The following CACNA1C variants were observed in gnomAD, a reference collection of about 807,000 sequenced individuals.
CACNA1C encodes the protein voltage-dependent L-type calcium channel subunit alpha-1C.
Under a neutral mutation model 229.0 loss-of-function variants are expected in CACNA1C, and 30 were observed. The ratio of observed to expected loss-of-function variants is 0.13; its 90% CI spans 0.10 to 0.18. The LOEUF (loss-of-function observed/expected upper bound fraction) is 0.18, where lower values mean the gene tolerates loss of function less well. CACNA1C is among the 10% of genes least tolerant of loss of function. CACNA1C has a pLI of 1.00. For missense variants in CACNA1C, 1,658 were observed against 2,845.0 expected, an observed-to-expected ratio of 0.58 and a Z score of 9.49; for synonymous variants, 1,114 against 1,132.5, an observed-to-expected ratio of 0.98 and a Z score of 0.33.
chr12:2,016,243 A>T (rs113575724), intron 1 of CACNA1C, among the ~76,000 whole-genome samples: 66 of 152,280 alleles, frequency 4.3e-4, no homozygotes, highest in African/African-American at 1.5e-3. Context: ...GGTGCCAAGT[A>T]CTTATCAGGT....
intron 3 of CACNA1C, among the ~76,000 whole-genome samples, chr12:2,446,555 G>A (rs1039667571): frequency 6.6e-6 from 1 of 150,420 alleles, no homozygotes; most frequent in African/African-American, 2.4e-5. Flanking sequence ...TGGATGAGTG[G>A]GTGGTGCATA....
rs531205223 is a variant in CACNA1C, at chr12:2,383,881, A to G, written c.478-65095A>G. Among the ~76,000 whole-genome samples the G allele has an allele frequency of 5.3e-5, 8 of 152,348 alleles. No individual in the cohort carries two copies. In the South Asian group the frequency reaches 1.0e-3, roughly 20 times the overall value. On this transcript the variant is annotated intron_variant, in intron 3 of 46. Coordinates refer to ENST00000399655, the MANE Select transcript of CACNA1C (RefSeq NM_000719.7). ...TCTCACTTCCTCCTTTAATCATTTC[A>G]GAAGAGCTGTTAATGAGCAGGAAAT...
At chr12:2,249,470 C>G (rs553841875) in intron 3 of CACNA1C, among the ~76,000 whole-genome samples, 5 of 152,246 alleles carry the variant, frequency 3.3e-5, no homozygotes, top group African/African-American at 1.2e-4. Context: ...ACTACCTGAC[C>G]CTTTACAGAA....
At chr12:2,027,483 A>G (rs2047534501) in intron 1 of CACNA1C, among the ~76,000 whole-genome samples, 1 of 152,182 alleles carries the variant, frequency 6.6e-6, no homozygotes, top group Admixed American at 6.5e-5. Flanking sequence ...GCTGCTATTA[A>G]TATATTCCTG....
At chr12:2,635,479 C>G (rs2092417239) in intron 30 of CACNA1C, among the ~76,000 whole-genome samples, 1 of 152,150 alleles carries the variant, frequency 6.6e-6, no homozygotes, top group Admixed American at 6.5e-5. Flanking sequence ...AGAGCAGATG[C>G]TTTAGAGTTT....
intron 3 of CACNA1C, among the ~76,000 whole-genome samples, chr12:2,295,207 C>T (rs1341862929): frequency 6.6e-6 from 1 of 152,118 alleles, no homozygotes; most frequent in African/African-American, 2.4e-5. Context: ...TAGCAGCTTC[C>T]CTGAATCCAC....
intron 11 of CACNA1C, 145 bp downstream of exon 11, chr12:2,557,122 C>CAT: frequency 1.5e-6 from 1 of 652,776 alleles, no homozygotes; most frequent in South Asian, 1.8e-5. Context: ...TCTGTATGGC[C>CAT]ATCAAGAAAA....
chr12:2,289,736 G>A (rs990086720), intron 3 of CACNA1C, among the ~76,000 whole-genome samples: 2 of 152,088 alleles, frequency 1.3e-5, no homozygotes, highest in South Asian at 2.1e-4. Context: ...CCAAGCTGCC[G>A]ATGGGTACAC....
chr12:2,526,023 C>T (rs2099817997), intron 9 of CACNA1C, among the ~76,000 whole-genome samples: 1 of 152,078 alleles, frequency 6.6e-6, no homozygotes, highest in African/African-American at 2.4e-5. Flanking sequence ...AAATAGAAGG[C>T]AATTGGCAGC....
intron 11 of CACNA1C, among the ~76,000 whole-genome samples, chr12:2,565,304 A>G (rs974155785): frequency 6.6e-6 from 1 of 151,574 alleles, no homozygotes; most frequent in Admixed American, 6.6e-5. Flanking sequence ...CGTCTCTACT[A>G]AAAATACAAA....
intron 7 of CACNA1C, among the ~76,000 whole-genome samples, chr12:2,500,069 C>T (rs2099755695): frequency 6.6e-6 from 1 of 152,166 alleles, no homozygotes; most frequent in Admixed American, 6.5e-5. Context: ...CATTGCTCAC[C>T]CAGGCAGTGG....
Position 2,067,449 on chromosome 12 carries a change from C to CGTGTGTGT in CACNA1C, c.49+13864_49+13871dup, listed in dbSNP as rs1555107490. ...GCTTAGGACTGTGGACTAGGATGCACGTGTGTGTGTGTGTGTGTGTGTGTG... is the reference window on the plus strand; with the variant it reads ...GCTTAGGACTGTGGACTAGGATGCACGTGTGTGTGTGTGTGTGTGTGTGTGTGTGTGTG... On this transcript the variant is annotated intron_variant, in intron 1 of 46. Transcript: ENST00000399655. The surrounding 1 kb of genome is among the most constrained non-coding windows in gnomAD (Gnocchi z 5.3). 0.023 allele frequency among the ~76,000 whole-genome samples: 3,238 copies of CGTGTGTGT among 141,406 alleles called. 107 individuals carry two copies. The highest frequency in any genetic ancestry group is 0.099 in the East Asian group (449 of 4,552). 92.8% of individuals were successfully genotyped at this position (141,406 alleles called of 152,430 possible).
At chr12:2,038,282 A>G (rs550881860) in intron 1 of CACNA1C, among the ~76,000 whole-genome samples, 106 of 152,316 alleles carry the variant, frequency 7.0e-4, no homozygotes, top group African/African-American at 2.3e-3. Flanking sequence ...ATTTCCTTTC[A>G]TAGAATTCGA....
intron 3 of CACNA1C, among the ~76,000 whole-genome samples, chr12:2,246,860 T>C (rs1397104671): frequency 6.6e-6 from 1 of 152,170 alleles, no homozygotes; most frequent in Non-Finnish European, 1.5e-5. Flanking sequence ...ATCTCCTGTC[T>C]TCAAGGAGGC....
At chr12:2,644,756 G>A (rs1398067251) in intron 30 of CACNA1C, among the ~76,000 whole-genome samples, 1 of 152,166 alleles carries the variant, frequency 6.6e-6, no homozygotes, top group Non-Finnish European at 1.5e-5. Flanking sequence ...CATCCACTGA[G>A]GTGTTACTTC....
chr12:2,465,347 A>G (rs1185394431), intron 5 of CACNA1C, among the ~76,000 whole-genome samples: 2 of 151,848 alleles, frequency 1.3e-5, no homozygotes, highest in Admixed American at 6.6e-5. Flanking sequence ...GATGAAATGG[A>G]TTCAAGGGGA....
chr12:2,145,924 C>T (rs905245959), intron 3 of CACNA1C, among the ~76,000 whole-genome samples: 1 of 151,328 alleles, frequency 6.6e-6, no homozygotes, highest in Non-Finnish European at 1.5e-5. Flanking sequence ...CTTAACCCTC[C>T]TGAGCCTCAG....
In CACNA1C at chr12:2,486,994, G is replaced by A. The variant is rs1023238337; in HGVS notation, c.916+732G>A. Among the ~76,000 whole-genome samples the A allele has an allele frequency of 2.6e-5, 4 of 152,146 alleles. No homozygotes were observed. Among genetic ancestry groups the A allele is most frequent in the African/African-American group, 7.2e-5 (3 of 41,432 alleles). On this transcript the variant is annotated intron_variant, in intron 6 of 46. Coordinates refer to ENST00000399655, the MANE Select transcript of CACNA1C (RefSeq NM_000719.7). This position sits in a 1 kb window ranked among gnomAD's most constrained non-coding sequence, Gnocchi z 4.9. ...GCTGGCTCATTAGGCGCTTCCCTGC[G>A]TGGCACTGGAGTTTTGGCTTGCAGG...
At chr12:2,572,919 T>TTCCTCCTCCTCCTC (rs2056847623) in intron 13 of CACNA1C, among the ~76,000 whole-genome samples, 1 of 102,354 alleles carries the variant, frequency 9.8e-6, no homozygotes, top group Non-Finnish European at 2.0e-5. Flanking sequence ...CCTCCTCCTC[T>TTCCTCCTCCTCCTC]TCCTCCTCCT....
Sources: allele counts gnomAD v4.1 joint callset (sites outside exome capture counted in the v4.1 genomes callset), GRCh38; gene constraint gnomAD v4.1.1; non-coding constraint Gnocchi (gnomAD v3.1); transcripts MANE v1.5; gene names NCBI Gene and HGNC (gene_info 2026-07-23, HGNC 2026-07-21).